The following KCNT2 variants were observed in gnomAD, a reference collection of about 807,000 sequenced individuals.
KCNT2 encodes potassium channel subfamily T member 2.
Under a neutral mutation model 153.8 loss-of-function variants are expected in KCNT2, and 67 were observed. The ratio of observed to expected loss-of-function variants is 0.44; its 90% CI spans 0.36 to 0.53. The LOEUF is 0.53. KCNT2 is among the 20% of genes least tolerant of loss of function. KCNT2 has a pLI of 0.00. For missense variants in KCNT2, 975 were observed against 1,354.8 expected, an observed-to-expected ratio of 0.72 and a Z score of 4.40; for synonymous variants, 500 against 458.8, an observed-to-expected ratio of 1.09 and a Z score of -1.15.
chr1:196,598,874 T>C (rs1664393896), intron 1 of KCNT2, among the ~76,000 whole-genome samples: 1 of 152,252 alleles, frequency 6.6e-6, no homozygotes, highest in Non-Finnish European at 1.5e-5. Flanking sequence ...AAGTAGTTGG[T>C]AAATGTTCTC....
intron 12 of KCNT2, among the ~76,000 whole-genome samples, chr1:196,418,013 T>G (rs1047791770): frequency 3.9e-5 from 6 of 152,178 alleles, no homozygotes; most frequent in Non-Finnish European, 8.8e-5. Flanking sequence ...ATCTTCAGTG[T>G]TCACATTATT....
chr1:196,351,002 T>C, intron 14 of KCNT2, among the ~76,000 whole-genome samples: 1 of 152,136 alleles, frequency 6.6e-6, no homozygotes, highest in African/African-American at 2.4e-5. Context: ...TTGTCAAAGA[T>C]CAGATAGTTG....
chr1:196,348,147 C>T (rs899838500), intron 14 of KCNT2, among the ~76,000 whole-genome samples: 5 of 151,220 alleles, frequency 3.3e-5, no homozygotes, highest in African/African-American at 1.2e-4. Context: ...TTTGCCTTCA[C>T]CAGAATAATG....
rs537098753 is a variant in KCNT2 at position 196,539,302 on chromosome 1, G to A, written c.96-46961C>T. Among the ~76,000 whole-genome samples, 10 of 152,210 alleles carry A rather than the reference G, an allele frequency of 6.6e-5. 1 individual carries two copies. The East Asian group carries it at 7.7e-4, about 12-fold the overall frequency. ...ATATTTGAGTACTTCATGTGTGTTCGCATTGCATGGGCTGCTGGGAATACA... is the reference window on the plus strand; with the variant it reads ...ATATTTGAGTACTTCATGTGTGTTCACATTGCATGGGCTGCTGGGAATACA... On this transcript the variant is annotated intron_variant, in intron 1 of 27. Transcript: ENST00000294725.
chr1:196,523,995 T>A (rs748719951), intron 1 of KCNT2, among the ~76,000 whole-genome samples: 2 of 152,202 alleles, frequency 1.3e-5, no homozygotes, highest in Non-Finnish European at 2.9e-5. Flanking sequence ...ACAGATCAGA[T>A]AGCACAAAGA....
At chr1:196,401,033 G>C (rs186673218) in intron 12 of KCNT2, among the ~76,000 whole-genome samples, 9 of 151,782 alleles carry the variant, frequency 5.9e-5, no homozygotes, top group African/African-American at 1.9e-4. Flanking sequence ...CACAGGAAAA[G>C]GGAGAGGCAA....
intron 8 of KCNT2, among the ~76,000 whole-genome samples, chr1:196,431,921 T>C (rs1674187301): frequency 6.6e-6 from 1 of 152,066 alleles, no homozygotes; most frequent in Non-Finnish European, 1.5e-5. Context: ...GTGGTCTTCA[T>C]CAAGACAATG....
At chr1:196,435,037 T>C (rs1378699461) in intron 8 of KCNT2, among the ~76,000 whole-genome samples, 3 of 150,304 alleles carry the variant, frequency 2.0e-5, no homozygotes, top group Admixed American at 6.7e-5. Context: ...GCCCTGGAAA[T>C]CAACCACAGA....
chr1:196,245,000 C>G (rs1006549182), intron 26 of KCNT2, among the ~76,000 whole-genome samples: 10 of 152,054 alleles, frequency 6.6e-5, no homozygotes, highest in Admixed American at 4.6e-4. Flanking sequence ...CAGGTCAGCA[C>G]AGAGAGAGAC....
At chr1:196,595,020 T>C (rs1440999327) in intron 1 of KCNT2, among the ~76,000 whole-genome samples, 1 of 152,064 alleles carries the variant, frequency 6.6e-6, no homozygotes, top group African/African-American at 2.4e-5. Context: ...ATGCATAGGT[T>C]GACTGAGGCT....
intron 9 of KCNT2, among the ~76,000 whole-genome samples, 187 bp from the exon 10 acceptor site, chr1:196,428,456 C>T (rs1041895102): frequency 2.0e-5 from 3 of 152,024 alleles, no homozygotes; most frequent in African/African-American, 7.2e-5. Context: ...AAATGTCTCC[C>T]AGGGGCTTCG....
intron 12 of KCNT2, among the ~76,000 whole-genome samples, chr1:196,413,799 A>AT (rs1672534303): frequency 6.6e-6 from 1 of 151,672 alleles, no homozygotes; most frequent in East Asian, 1.9e-4. Flanking sequence ...ACACACATTT[A>AT]TTTTTTGTAA....
chr1:196,453,246 C>T (rs1026078666), intron 8 of KCNT2, among the ~76,000 whole-genome samples: 2 of 151,664 alleles, frequency 1.3e-5, no homozygotes, highest in Non-Finnish European at 2.9e-5. Flanking sequence ...GATCTGACTC[C>T]AATCACAGTA....
intron 8 of KCNT2, among the ~76,000 whole-genome samples, chr1:196,434,442 T>G (rs549933727): frequency 2.0e-5 from 3 of 152,018 alleles, no homozygotes; most frequent in African/African-American, 7.2e-5. Flanking sequence ...AAAAGTCTCC[T>G]ACTGTGCTTC....
At chr1:196,578,153 A>G (rs1366975280) in intron 1 of KCNT2, among the ~76,000 whole-genome samples, 1 of 151,058 alleles carries the variant, frequency 6.6e-6, no homozygotes. Flanking sequence ...TTCATTTGGA[A>G]TCAAAATTAG....
At chr1:196,529,616 A>C (rs1654683261) in intron 1 of KCNT2, among the ~76,000 whole-genome samples, 1 of 152,120 alleles carries the variant, frequency 6.6e-6, no homozygotes, top group Non-Finnish European at 1.5e-5. Context: ...TAGGATGTAA[A>C]CATTTCAGCT....
At chr1:196,272,299 A>T (rs955032272) in intron 25 of KCNT2, among the ~76,000 whole-genome samples, 2 of 151,934 alleles carry the variant, frequency 1.3e-5, no homozygotes, top group African/African-American at 4.8e-5. Flanking sequence ...TCATGTGAGT[A>T]AAGAAAAATG....
intron 13 of KCNT2, among the ~76,000 whole-genome samples, chr1:196,383,240 C>T (rs972592297): frequency 6.6e-6 from 1 of 152,078 alleles, no homozygotes; most frequent in African/African-American, 2.4e-5. Context: ...AGGTCGTAAC[C>T]CATTGCAAGC....
chr1:196,553,970 A>G (rs1246487674), intron 1 of KCNT2, among the ~76,000 whole-genome samples: 1 of 151,290 alleles, frequency 6.6e-6, no homozygotes, highest in Non-Finnish European at 1.5e-5. Context: ...CATAGGATAC[A>G]GCAAAAGCAG....
Sources: allele counts gnomAD v4.1 joint callset (sites outside exome capture counted in the v4.1 genomes callset), GRCh38; gene constraint gnomAD v4.1.1; transcripts MANE v1.5; gene names NCBI Gene and HGNC (gene_info 2026-07-23, HGNC 2026-07-21).